The following DCT variants were observed in gnomAD, a reference collection of about 807,000 sequenced individuals.
DCT encodes the protein dopachrome tautomerase, also known as L-dopachrome tautomerase.
Under a neutral mutation model 53.0 loss-of-function variants are expected in DCT, and 47 were observed. The observed-to-expected ratio is 0.89, with a 90% CI of 0.70 to 1.13. DCT has a LOEUF of 1.13. DCT is among the 50% of genes most tolerant of loss of function. DCT has a pLI of 0.00. For synonymous variants in DCT, 244 were observed against 237.0 expected, an observed-to-expected ratio of 1.03 and a Z score of -0.27; for missense variants, 669 against 637.4, an observed-to-expected ratio of 1.05 and a Z score of -0.53.
At chr13:94,459,309 T>C (rs572323872) in intron 6 of DCT, among the ~76,000 whole-genome samples, 1 of 152,332 alleles carries the variant, frequency 6.6e-6, no homozygotes, top group East Asian at 1.9e-4. Context: ...TCTGTATTAT[T>C]ACATGTCAGA....
At chr13:94,514,087 A>T in the DCT span, among the ~76,000 whole-genome samples, 1 of 151,636 alleles carries the variant, frequency 6.6e-6, no homozygotes, top group Admixed American at 6.6e-5. Flanking sequence ...GAACCCTGAG[A>T]CTAGGATCAT....
chr13:94,466,993 G>T (rs1179542873), intron 2 of DCT: 3 of 164,850 alleles, frequency 1.8e-5, no homozygotes, highest in South Asian at 1.9e-4. Context: ...CTATCCAAAA[G>T]AATAGATCAT....
rs1883691160 is a variant in DCT, at chr13:94,460,192, T to G, written c.1078A>C (p.Thr360Pro). 3 of 1,613,578 alleles carry G rather than the reference T, an allele frequency of 1.9e-6. No homozygotes were observed. Among genetic ancestry groups the G allele is most frequent in the Non-Finnish European group, 1.7e-6 (2 of 1,179,718 alleles). The change falls in exon 6 of 8, where the codon ACT (threonine) becomes CCT (proline). Residue 360 changes from threonine (T) to proline (P), a missense_variant. Transcript: ENST00000377028. ...AGGCTCATCACTTGAGAATCCAGAGTCCCATCTGCTTTATCAAACCCTTCC... is the reference window on the plus strand; with the variant it reads ...AGGCTCATCACTTGAGAATCCAGAGGCCCATCTGCTTTATCAAACCCTTCC... ...ALEGFDKADG[T>P]LDSQVMSLHN...
At position 94,479,176 on chromosome 13, in the gene DCT, C is replaced by A; in HGVS notation, c.80G>T (p.Arg27Leu). The A allele has an allele frequency of 6.2e-7, 1 of 1,612,668 alleles. No homozygotes were observed. The highest frequency in any genetic ancestry group is 1.1e-5 in the South Asian group (1 of 91,062). ...ILPGAQGQFP[R>L]VCMTVDSLVN... ...TAGGCTGTCCACCGTCATGCAGACT[C>A]GGGGGAACTGACCCTGGGCTCCTGG... Residue 27 changes from arginine to leucine, a missense_variant, in exon 1 of 8, where the codon CGA becomes CTA. Physicochemically the swap from Arg to Leu is moderately radical, Grantham distance 102. Coordinates refer to ENST00000377028, the MANE Select transcript of DCT (RefSeq NM_001922.5).
In DCT at chr13:94,439,992, A is replaced by G. The variant is rs765781484; in HGVS notation, c.1466T>C (p.Leu489Pro). The change falls in exon 8 of 8, where the codon CTG becomes CCG. Residue 489 changes from leucine (L) to proline (P), a missense_variant. Coordinates refer to ENST00000377028, the MANE Select transcript of DCT (RefSeq NM_001922.5). ...TCTTCTATATTGAAGAAAAGCCAAC[A>G]GCACAAAAAGACCAACCAAAGCCAC... ...TLVALVGLFV[L>P]LAFLQYRRLR... 6.2e-7 allele frequency: 1 copy of G among 1,614,058 alleles called. No individual in the cohort carries two copies. The highest frequency in any genetic ancestry group is 8.5e-7 in the Non-Finnish European group (1 of 1,179,902).
At chr13:94,511,057 G>C in the DCT span, among the ~76,000 whole-genome samples, 1 of 152,218 alleles carries the variant, frequency 6.6e-6, no homozygotes, top group Non-Finnish European at 1.5e-5. Flanking sequence ...CACCTAGCAA[G>C]AGATGGATCA....
chr13:94,512,574 T>C, the DCT span, among the ~76,000 whole-genome samples: 2 of 152,194 alleles, frequency 1.3e-5, no homozygotes, highest in African/African-American at 4.8e-5. Flanking sequence ...GAAACACATG[T>C]AGTATGGCAT....
chr13:94,468,682 T>G, intron 2 of DCT, 64 bp downstream of exon 2: 2 of 1,407,350 alleles, frequency 1.4e-6, no homozygotes, highest in Non-Finnish European at 2.0e-6. Flanking sequence ...TACTTCCCAC[T>G]GCCATACCCT....
intron 1 of DCT, among the ~76,000 whole-genome samples, chr13:94,470,789 C>T (rs1243545769): frequency 6.6e-6 from 1 of 152,148 alleles, no homozygotes; most frequent in Non-Finnish European, 1.5e-5. Flanking sequence ...GGTCGGGGTT[C>T]GGGTCAGTTA....
At chr13:94,451,449 T>C (rs1883081861) in intron 6 of DCT, among the ~76,000 whole-genome samples, 1 of 152,212 alleles carries the variant, frequency 6.6e-6, no homozygotes, top group Admixed American at 6.5e-5. Context: ...GTTGAAAGAT[T>C]GAACACGGGG....
intron 4 of DCT, among the ~76,000 whole-genome samples, chr13:94,463,619 C>T (rs1883966981): frequency 6.6e-6 from 1 of 152,086 alleles, no homozygotes; most frequent in Admixed American, 6.6e-5. Context: ...TTTGTAGAGA[C>T]AGGGTTTCAC....
upstream of DCT, among the ~76,000 whole-genome samples, chr13:94,480,211 A>G (rs1402047104): frequency 1.3e-5 from 2 of 152,208 alleles, no homozygotes; most frequent in Non-Finnish European, 2.9e-5. Flanking sequence ...ATGAAGTAGC[A>G]TGCCACCAGA....
chr13:94,548,719 C>CA, the DCT span, among the ~76,000 whole-genome samples: 6,545 of 151,230 alleles, frequency 0.043, 202 homozygotes, highest in South Asian at 0.096. Flanking sequence ...CACGTGAAAA[C>CA]AAAAAAAAAT....
At chr13:94,443,788 C>A (rs563312022) in intron 6 of DCT, 151 bp from the exon 7 acceptor site, 2 of 632,546 alleles carry the variant, frequency 3.2e-6, no homozygotes, top group South Asian at 1.9e-5. Context: ...TGTGTACCAC[C>A]ATGAGGAAGC....
the DCT span, among the ~76,000 whole-genome samples, chr13:94,524,649 C>A: frequency 6.6e-6 from 1 of 152,126 alleles, no homozygotes; most frequent in East Asian, 1.9e-4. Flanking sequence ...GCTGTCTTCC[C>A]CCAGAATTAA....
chr13:94,462,922 G>A (rs1165055108), intron 4 of DCT, among the ~76,000 whole-genome samples: 2 of 152,146 alleles, frequency 1.3e-5, no homozygotes, highest in Non-Finnish European at 2.9e-5. Context: ...GAAGGCAAAC[G>A]GGGAGGTCAG....
At position 94,479,048 on chromosome 13, in the gene DCT, G is replaced by T; in HGVS notation, c.208C>A (p.Pro70Thr). 1 of 1,614,214 alleles carries T rather than the reference G, an allele frequency of 6.2e-7. No individual in the cohort carries two copies. Among genetic ancestry groups the T allele is most frequent in the Non-Finnish European group, 8.5e-7 (1 of 1,180,030 alleles). The change falls in exon 1 of 8, where the codon CCC becomes ACC. Residue 70 changes from proline to threonine, a missense_variant. Pro to Thr is a conservative substitution (Grantham distance 38). Coordinates refer to ENST00000377028, the MANE Select transcript of DCT (RefSeq NM_001922.5). The stretch of plus-strand genomic sequence containing the variant: ...CGTAGGATGTAGGGACCACTCCAGG[G>T]CCTTGTGTCGGCTCGCACCTCTGTG... Reference protein sequence around the residue: ...QCTEVRADTRPWSGPYILRNQ... With the variant: ...QCTEVRADTRTWSGPYILRNQ...
At chr13:94,484,619 AG>A (rs1885586512), upstream of DCT, among the ~76,000 whole-genome samples, 1 of 152,196 alleles carries the variant, frequency 6.6e-6, no homozygotes, top group African/African-American at 2.4e-5. Context: ...TCGTCTGTCA[AG>A]GCCTCTGTCC....
rs779100495 is a variant in DCT, at chr13:94,468,835, G to A, written c.506C>T (p.Pro169Leu). The stretch of plus-strand genomic sequence containing the variant: ...GGCAAACTGCGGCTGGGTTCCATTG[G>A]GCCCAAGCAGGCCCAGCCAGTGTTG... The part of the protein sequence containing the change: ...TTQHWLGLLG[P>L]NGTQPQFANC... The change falls in exon 2 of 8, where the codon CCC becomes CTC. Residue 169 changes from proline (P) to leucine (L), a missense_variant. Pro to Leu is a moderately conservative substitution (Grantham distance 98). Coordinates refer to ENST00000377028, the MANE Select transcript of DCT (RefSeq NM_001922.5). 1.9e-6 allele frequency: 3 copies of A among 1,614,140 alleles called. No individual in the cohort carries two copies. The highest frequency in any genetic ancestry group is 2.5e-6 in the Non-Finnish European group (3 of 1,180,010).
Sources: allele counts gnomAD v4.1 joint callset (sites outside exome capture counted in the v4.1 genomes callset), GRCh38; gene constraint gnomAD v4.1.1; transcripts MANE v1.5; gene names NCBI Gene and HGNC (gene_info 2026-07-23, HGNC 2026-07-21).